Variants in TMEM263 observed in about 807,000 individuals in gnomAD.
TMEM263 encodes the protein transmembrane protein 263.
TMEM263 carries 5 observed loss-of-function variants against 8.6 expected under a neutral mutation model. That is an observed-to-expected ratio of 0.58 (90% CI 0.31 to 1.23). The LOEUF is 1.23. Ranked by LOEUF, TMEM263 falls within the 50% of genes most tolerant of loss-of-function variation. The pLI is 0.07. For synonymous variants in TMEM263, 50 were observed against 47.9 expected, an observed-to-expected ratio of 1.04 and a Z score of -0.18; for missense variants, 104 against 138.8, an observed-to-expected ratio of 0.75 and a Z score of 1.26.
At chr12:106,968,287 A>G (rs1951871347) in intron 3 of TMEM263, among the ~76,000 whole-genome samples, 1 of 152,200 alleles carries the variant, frequency 6.6e-6, no homozygotes. Context: ...CTTAAGCCAT[A>G]AAGAATTCAA....
rs1429014397 is a variant in TMEM263, at chr12:106,967,181, G to T, written c.64+1G>T. The T allele has an allele frequency of 1.3e-6, 2 of 1,566,912 alleles. No individual in the cohort carries two copies. The highest frequency in any genetic ancestry group is 1.7e-6 in the Non-Finnish European group (2 of 1,144,438). ...TACCTTAATGATGAACCACCAGAAG[G>T]TAAGTATGCATCTGTAACACTAAGA... On this transcript the variant is annotated splice_donor_variant, in intron 3 of 3. Coordinates refer to ENST00000280756, the MANE Select transcript of TMEM263 (RefSeq NM_152261.4). LOFTEE classifies it high-confidence loss of function.
intron 2 of TMEM263, among the ~76,000 whole-genome samples, chr12:106,958,129 T>C (rs888461032): frequency 1.3e-5 from 2 of 152,200 alleles, no homozygotes; most frequent in African/African-American, 2.4e-5. Flanking sequence ...TTTTCTATTA[T>C]AGGGAAATTG....
chr12:106,958,729 T>C (rs1951732019), intron 2 of TMEM263, among the ~76,000 whole-genome samples: 2 of 152,264 alleles, frequency 1.3e-5, no homozygotes, highest in African/African-American at 4.8e-5. Flanking sequence ...TTTGTACTTA[T>C]CTAAAGCTAT....
rs1951942313 is a variant in TMEM263 at position 106,972,859 on chromosome 12, C to CA, written c.*1468_*1469insA. 5 of 137,458 alleles carry CA rather than the reference C, an allele frequency of 3.6e-5. No homozygotes were observed. Among genetic ancestry groups the CA allele is most frequent in the African/African-American group, 1.5e-4 (5 of 32,790 alleles). 8.5% of individuals were successfully genotyped at this position (137,458 alleles called of 1,614,324 possible). The stretch of plus-strand genomic sequence containing the variant: ...CTGGAAATTTGTCTCCATTCTGCCA[C>CA]CTTTTTTTTTTTTTTTTTTTATAGT... On this transcript the variant is annotated 3_prime_UTR_variant, in exon 4 of 4. Transcript: ENST00000280756.
intron 2 of TMEM263, among the ~76,000 whole-genome samples, chr12:106,964,175 G>A (rs982358438): frequency 1.1e-4 from 17 of 152,054 alleles, no homozygotes; most frequent in African/African-American, 3.9e-4. Context: ...TTCTCAGAAG[G>A]GACACACATA....
intron 3 of TMEM263, among the ~76,000 whole-genome samples, chr12:106,968,716 A>T (rs1951877604): frequency 6.6e-6 from 1 of 152,182 alleles, no homozygotes; most frequent in East Asian, 1.9e-4. Context: ...AGCTGCATTA[A>T]TTATTTATCT....
intron 3 of TMEM263, 148 bp downstream of exon 3, chr12:106,967,328 G>C: frequency 1.9e-6 from 1 of 515,238 alleles, no homozygotes; most frequent in African/African-American, 2.0e-5. Context: ...GCACGATCTT[G>C]GCCCACTGCA....
At chr12:106,965,678 A>G (rs1566224303) in intron 2 of TMEM263, among the ~76,000 whole-genome samples, 1 of 151,786 alleles carries the variant, frequency 6.6e-6, no homozygotes, top group Admixed American at 6.6e-5. Flanking sequence ...TCCATAGCAT[A>G]TAAATACCAC....
At chr12:106,956,940 A>G in intron 1 of TMEM263, 142 bp from the exon 2 acceptor site, 1 of 307,874 alleles carries the variant, frequency 3.2e-6, no homozygotes, top group Non-Finnish European at 4.8e-6. Context: ...TAGGGAGAGA[A>G]GGGGCCACCC....
At chr12:106,970,047 G>A (rs1410562213) in intron 3 of TMEM263, among the ~76,000 whole-genome samples, 1 of 152,044 alleles carries the variant, frequency 6.6e-6, no homozygotes, top group Non-Finnish European at 1.5e-5. Context: ...CATATCTATA[G>A]TTTCTCTATC....
intron 2 of TMEM263, among the ~76,000 whole-genome samples, chr12:106,961,157 A>C (rs895834704): frequency 6.7e-6 from 1 of 149,402 alleles, no homozygotes; most frequent in African/African-American, 2.5e-5. Context: ...TCCTGGGCTT[A>C]AGCAGTTCTT....
chr12:106,965,801 A>G (rs1314249223), intron 2 of TMEM263, among the ~76,000 whole-genome samples: 1 of 151,608 alleles, frequency 6.6e-6, no homozygotes, highest in Non-Finnish European at 1.5e-5. Context: ...ATATATACAT[A>G]TATATATATT....
intron 3 of TMEM263, among the ~76,000 whole-genome samples, chr12:106,970,051 C>T (rs1951899397): frequency 6.6e-6 from 1 of 152,110 alleles, no homozygotes; most frequent in African/African-American, 2.4e-5. Flanking sequence ...TCTATAGTTT[C>T]TCTATCCTAC....
At chr12:106,958,416 T>C (rs747231662) in intron 2 of TMEM263, among the ~76,000 whole-genome samples, 43 of 152,224 alleles carry the variant, frequency 2.8e-4, no homozygotes, top group Admixed American at 2.6e-4. Context: ...ATTTCTATTA[T>C]TGGAATAAAT....
At chr12:106,961,495 TGAG>T (rs1383897669) in intron 2 of TMEM263, among the ~76,000 whole-genome samples, 1 of 151,982 alleles carries the variant, frequency 6.6e-6, no homozygotes, top group Non-Finnish European at 1.5e-5. Flanking sequence ...GTAGCAATCT[TGAG>T]GAGGTGTGGA....
intron 3 of TMEM263, 40 bp downstream of exon 3, chr12:106,967,220 C>A: frequency 8.5e-7 from 1 of 1,181,286 alleles, no homozygotes; most frequent in Non-Finnish European, 1.2e-6. Context: ...GAAAAATATA[C>A]TGAATTAAAG....
chr12:106,956,784 G>T (rs1951698782), intron 1 of TMEM263: 1 of 152,356 alleles, frequency 6.6e-6, no homozygotes, highest in Non-Finnish European at 1.5e-5. Context: ...GGAGTGGGGG[G>T]AGTGCTGGGT....
rs552897897 is a variant in TMEM263 at position 106,973,513 on chromosome 12, A to G, written c.*2122A>G. On this transcript the variant is annotated 3_prime_UTR_variant, in exon 4 of 4. Transcript: ENST00000280756. ...TTCTGCTACAGAAAAGCCACCTGGT[A>G]CGTTTTGTCTCATCAGGATTGTTTT... The G allele has an allele frequency of 6.5e-6, 1 of 152,750 alleles. No individual in the cohort carries two copies. The highest frequency in any genetic ancestry group is 2.1e-4 in the South Asian group (1 of 4,832). 9.5% of individuals were successfully genotyped at this position (152,750 alleles called of 1,614,324 possible).
rs1056666843 is a variant in TMEM263, at chr12:106,973,260, C to T, written c.*1869C>T. On this transcript the variant is annotated 3_prime_UTR_variant, in exon 4 of 4. Coordinates refer to ENST00000280756, the MANE Select transcript of TMEM263 (RefSeq NM_152261.4). Reference sequence around the variant, plus strand: ...GGGATTAAAAAAAAAACTCCAAAATCACTAAATAATTATCTAAATAATGGT... The same window carrying T: ...GGGATTAAAAAAAAAACTCCAAAATTACTAAATAATTATCTAAATAATGGT... 2 of 152,252 alleles carry T rather than the reference C, an allele frequency of 1.3e-5. No individual in the cohort carries two copies. The highest frequency in any genetic ancestry group is 4.8e-5 in the African/African-American group (2 of 41,376). The allele number at this position is 152,252 out of a possible 1,614,324, so 9.4% of individuals were successfully genotyped here. A position where few individuals can be genotyped will look rare whatever the true frequency, so the allele number is the denominator to read the frequency against.
Sources: allele counts gnomAD v4.1 joint callset (sites outside exome capture counted in the v4.1 genomes callset), GRCh38; gene constraint gnomAD v4.1.1; transcripts MANE v1.5; gene names NCBI Gene and HGNC (gene_info 2026-07-23, HGNC 2026-07-21).